ITIH3: variants seen among roughly 807,000 people sequenced by gnomAD.
The protein encoded by ITIH3 is inter-alpha-trypsin inhibitor heavy chain 3.
ITIH3 carries 81 observed loss-of-function variants against 96.5 expected under a neutral mutation model. The ratio of observed to expected loss-of-function variants is 0.84; its 90% CI spans 0.70 to 1.01. The LOEUF (loss-of-function observed/expected upper bound fraction) is 1.01. Among genes scored for constraint, ITIH3 ranks in the 50% least tolerant of loss-of-function variants. The pLI is 0.00. For missense variants in ITIH3, 1,057 were observed against 1,139.3 expected (o/e 0.93, Z 1.04); for synonymous variants, 422 against 445.2 (o/e 0.95, Z 0.66).
intron 9 of ITIH3, among the ~76,000 whole-genome samples, chr3:52,800,139 G>A (rs767274008): frequency 3.9e-5 from 6 of 152,144 alleles, no homozygotes; most frequent in Non-Finnish European, 5.9e-5. Context: ...TCTAATCCAT[G>A]ATCCTGGTAT....
chr3:52,795,180 CAA>C (rs1699527125), intron 1 of ITIH3, among the ~76,000 whole-genome samples: 1 of 152,216 alleles, frequency 6.6e-6, no homozygotes, highest in African/African-American at 2.4e-5. Context: ...AATGAAGGTT[CAA>C]GTCTCAAACG....
At position 52,802,376 on chromosome 3, in the gene ITIH3, G is replaced by C; in HGVS notation, c.1426G>C (p.Glu476Gln). 6.2e-7 allele frequency: 1 copy of C among 1,613,996 alleles called. No individual in the cohort carries two copies. The highest frequency in any genetic ancestry group is 8.5e-7 in the Non-Finnish European group (1 of 1,179,896). Residue 476 changes from glutamate (E) to glutamine (Q), a missense_variant, in exon 12 of 22, where the codon GAG becomes CAG. Physicochemically the swap from Glu to Gln is conservative, Grantham distance 29. Transcript: ENST00000449956. ...EVANPLLTGV[E>Q]MEYPENAILD... ...GGCCAACCCACTGCTGACGGGTGTG[G>C]AGATGGAGTACCCCGAGAACGCTAT...
chr3:52,800,369 T>TGTTC, intron 9 of ITIH3, 169 bp from the exon 10 acceptor site: 1 of 690,508 alleles, frequency 1.4e-6, no homozygotes. Flanking sequence ...TTTGTTTGTT[T>TGTTC]GTTCATGTGG....
Position 52,807,017 on chromosome 3 carries a change from G to A in ITIH3, c.2173G>A (p.Glu725Lys). 3 of 1,601,684 alleles carry A rather than the reference G, an allele frequency of 1.9e-6. No homozygotes were observed. The highest frequency in any genetic ancestry group is 1.7e-4 in the Middle Eastern group (1 of 6,046). Residue 725 changes from glutamate (E) to lysine (K), a missense_variant, in exon 19 of 22, where the codon GAG becomes AAG. Transcript: ENST00000449956. ...IANAQMDFQVEVTTEKITLWN... is the reference protein window; with the variant it reads ...IANAQMDFQVKVTTEKITLWN... ...CAATGCTCAGATGGACTTCCAGGTGGAGGTGACAACGGAGAAGATCACCCT... is the reference window on the plus strand; with the variant it reads ...CAATGCTCAGATGGACTTCCAGGTGAAGGTGACAACGGAGAAGATCACCCT...
intron 11 of ITIH3, 120 bp downstream of exon 11, chr3:52,801,266 C>G (rs1174231475): frequency 9.5e-6 from 8 of 839,502 alleles, no homozygotes. Flanking sequence ...AAATCCACCT[C>G]TGACTATCTC....
Position 52,807,803 on chromosome 3 carries a change from C to A in ITIH3, c.2318C>A (p.Thr773Asn), listed in dbSNP as rs1309672376. The A allele has an allele frequency of 1.2e-6, 2 of 1,612,442 alleles. No homozygotes were observed. Among genetic ancestry groups the A allele is most frequent in the Non-Finnish European group, 8.5e-7 (1 of 1,179,316 alleles). The part of the protein sequence containing the change: ...NMVVSFGDGV[T>N]FVVVLHQVWK... ...GTGGTCTCCTTTGGAGATGGGGTTA[C>A]CTTCGTGGTCGTCCTACACCAGGTG... is the stretch of plus-strand genomic sequence containing the variant. Residue 773 changes from threonine (T) to asparagine (N), a missense_variant, in exon 20 of 22, where the codon ACC becomes AAC. Transcript: ENST00000449956.
chr3:52,807,167 A>G, intron 19 of ITIH3, 62 bp downstream of exon 19: 3 of 1,410,644 alleles, frequency 2.1e-6, no homozygotes, highest in Non-Finnish European at 1.9e-6. Context: ...GAGGCTCTTG[A>G]GGGATTTAGA....
In ITIH3 at chr3:52,808,193, G is replaced by T; in HGVS notation, c.2515G>T (p.Val839Leu). 2 of 1,614,176 alleles carry T rather than the reference G, an allele frequency of 1.2e-6. No individual in the cohort carries two copies. Among genetic ancestry groups the T allele is most frequent in the Non-Finnish European group, 1.7e-6 (2 of 1,180,014 alleles). Residue 839 changes from valine to leucine, a missense_variant, in exon 21 of 22, where the codon GTG (valine) becomes TTG (leucine). Physicochemically the swap from Val to Leu is conservative, Grantham distance 32. Coordinates refer to ENST00000449956, the MANE Select transcript of ITIH3 (RefSeq NM_002217.4). ...CACAAAGCCAGATGCCACATTGGTG[G>T]TGAAGAACCATCAGCTGATTGTCAC... ...DPTKPDATLV[V>L]KNHQLIVTRG...
At chr3:52,806,538 G>T in intron 18 of ITIH3, 132 bp downstream of exon 18, 1 of 712,792 alleles carries the variant, frequency 1.4e-6, no homozygotes, top group South Asian at 1.9e-5. Context: ...AGAAACCCCT[G>T]GGGGTGGGGA....
At position 52,799,762 on chromosome 3, in the gene ITIH3, G is replaced by A; in HGVS notation, c.916G>A (p.Ala306Thr). 1 of 1,611,870 alleles carries A rather than the reference G, an allele frequency of 6.2e-7. No homozygotes were observed. Among genetic ancestry groups the A allele is most frequent in the Non-Finnish European group, 8.5e-7 (1 of 1,179,140 alleles). The change falls in exon 9 of 22, where the codon GCC (alanine) becomes ACC (threonine). Residue 306 changes from alanine (A) to threonine (T), a missense_variant. Transcript: ENST00000449956. The stretch of plus-strand genomic sequence containing the variant: ...TTTGTCTCTCCTCCAGACAAAGGAG[G>A]CCCTTCTCAGAATCCTGGAAGATAT... ...AGRKLEQTKE[A>T]LLRILEDMQE...
Position 52,802,762 on chromosome 3 carries a change from G to A in ITIH3, c.1665G>A (p.Glu555=). 4 of 1,614,016 alleles carry A rather than the reference G, an allele frequency of 2.5e-6. No homozygotes were observed. The highest frequency in any genetic ancestry group is 3.4e-6 in the Non-Finnish European group (4 of 1,179,886). ...ACTACATCTTCGGGAATTACATTGA[G>A]CGGCTCTGGGCCTACCTCACCATTG... ...ERDYIFGNYI[E]RLWAYLTIEQ... The change falls in exon 13 of 22, where the codon GAG becomes GAA. Residue 555 remains glutamate, a synonymous_variant. Transcript: ENST00000449956.
chr3:52,802,022 T>G (rs1699847320), intron 11 of ITIH3, among the ~76,000 whole-genome samples: 1 of 152,172 alleles, frequency 6.6e-6, no homozygotes, highest in African/African-American at 2.4e-5. Flanking sequence ...CCTTTTCTCC[T>G]TCTTGCTTTC....
In ITIH3 at chr3:52,799,824, T is replaced by G. The variant is rs761558025; in HGVS notation, c.978T>G (p.Ser326Arg). The G allele has an allele frequency of 1.9e-6, 3 of 1,613,654 alleles. No individual in the cohort carries two copies. In the African/African-American group the frequency reaches 4.0e-5, roughly 22 times the overall value. Residue 326 changes from serine to arginine, a missense_variant, in exon 9 of 22, where the codon AGT becomes AGG. Physicochemically the swap from Ser to Arg is moderately radical, Grantham distance 110. Coordinates refer to ENST00000449956, the MANE Select transcript of ITIH3 (RefSeq NM_002217.4). ...EEDYLNFILF[S>R]GDVSTWKEHL... is the part of the protein sequence containing the mutation. ...ACTATCTGAATTTCATCCTGTTCAG[T>G]GGAGATGTGTCCACATGGAAAGAGC...
Position 52,808,693 on chromosome 3 carries a change from A to C in ITIH3, c.*12A>C, listed in dbSNP as rs753562429. ...CCAACCTGTTTTGAGTAGACACACC[A>C]GCTCCTGTTGGGATGGATGGCCCGG... On this transcript the variant is annotated 3_prime_UTR_variant, in exon 22 of 22. Transcript: ENST00000449956. The C allele has an allele frequency of 1.3e-6, 2 of 1,597,692 alleles. No homozygotes were observed. Among genetic ancestry groups the C allele is most frequent in the Non-Finnish European group, 8.6e-7 (1 of 1,166,064 alleles).
chr3:52,806,596 G>A (rs947787999), intron 18 of ITIH3, among the ~76,000 whole-genome samples, 190 bp downstream of exon 18: 15 of 152,198 alleles, frequency 9.9e-5, no homozygotes, highest in South Asian at 2.1e-4. Context: ...AGTGCTATTG[G>A]GAGATGATTA....
intron 8 of ITIH3, 36 bp downstream of exon 8, chr3:52,799,524 T>G (rs28463071): frequency 0.024 from 34,889 of 1,466,010 alleles, 2,537 homozygotes; most frequent in African/African-American, 0.22. Flanking sequence ...GGGCTCGGGG[T>G]AGTAGGGGGT....
chr3:52,808,078 G>A (rs776533166), intron 20 of ITIH3, 32 bp from the exon 21 acceptor site: 2 of 1,606,376 alleles, frequency 1.2e-6, no homozygotes, highest in Non-Finnish European at 1.7e-6. Flanking sequence ...GCAATGGCCA[G>A]GGGCTGACAG....
At position 52,799,258 on chromosome 3, in the gene ITIH3, G is replaced by A. The variant is rs530567292; in HGVS notation, c.790-114G>A. 30 of 1,153,446 alleles carry A rather than the reference G, an allele frequency of 2.6e-5. 1 individual carries two copies. In the South Asian group the frequency reaches 4.1e-4, roughly 16 times the overall value. The allele number at this position is 1,153,446 out of a possible 1,614,324, so 71.5% of individuals were successfully genotyped here. ...CCTGGTGCAGCACCCCCTAGAGGGT[G>A]GGATAGGAACGTCTTTTTCTTGGGC... is the stretch of plus-strand genomic sequence containing the variant. On this transcript the variant is annotated intron_variant, in intron 7 of 21. Coordinates refer to ENST00000449956, the MANE Select transcript of ITIH3 (RefSeq NM_002217.4).
chr3:52,799,966 C>T (rs772102278), intron 9 of ITIH3, 45 bp downstream of exon 9: 1 of 1,582,956 alleles, frequency 6.3e-7, no homozygotes, highest in Non-Finnish European at 8.6e-7. Context: ...CGGTGCCTCC[C>T]TCTGTCCCTG....
Sources: gnomAD v4.1 joint callset for allele counts (sites outside exome capture counted in the v4.1 genomes callset) on GRCh38, gnomAD v4.1.1 for gene constraint, MANE v1.5 for transcripts, NCBI Gene and HGNC (gene_info 2026-07-23, HGNC 2026-07-21) for gene names.